Variants in SIN3A observed in about 807,000 individuals in gnomAD.
The protein encoded by SIN3A is SIN3 transcription regulator family member A, also known as paired amphipathic helix protein Sin3a.
SIN3A carries 14 observed loss-of-function variants against 146.1 expected under a neutral mutation model. The ratio of observed to expected loss-of-function variants is 0.10; its 90% CI spans 0.06 to 0.15. The LOEUF is 0.15. Ranked by LOEUF, SIN3A falls within the 10% of genes least tolerant of loss-of-function variation. The pLI is 1.00. For missense variants in SIN3A, 1,028 were observed against 1,576.0 expected (o/e 0.65, Z 5.89); for synonymous variants, 572 against 572.0 (o/e 1.00, Z 0.00).
At chr15:75,419,303 A>G (rs116953240) in intron 3 of SIN3A, 1 of 152,340 alleles carries the variant, frequency 6.6e-6, no homozygotes, top group East Asian at 1.9e-4. Flanking sequence ...AAAATATATT[A>G]AGTTTGCAAA....
At chr15:75,395,669 CAGG>C (rs1357441909) in intron 13 of SIN3A, among the ~76,000 whole-genome samples, 1 of 151,970 alleles carries the variant, frequency 6.6e-6, no homozygotes, top group Non-Finnish European at 1.5e-5. Context: ...GAGGCCAAGG[CAGG>C]AGGATTGCTT....
At chr15:75,411,456 G>A (rs370245125) in intron 6 of SIN3A, 36 bp downstream of exon 6, 37 of 1,585,574 alleles carry the variant, frequency 2.3e-5, no homozygotes, top group Middle Eastern at 3.4e-4. Flanking sequence ...CTAAGAGGGT[G>A]ACCTGGTTAA....
chr15:75,393,488 T>C (rs1049952220), intron 14 of SIN3A, among the ~76,000 whole-genome samples: 1 of 151,752 alleles, frequency 6.6e-6, no homozygotes, highest in African/African-American at 2.4e-5. Flanking sequence ...GCCATTCTTA[T>C]GCTTCAGCCT....
intron 1 of SIN3A, among the ~76,000 whole-genome samples, chr15:75,441,006 C>G (rs1016453599): frequency 4.4e-4 from 55 of 125,896 alleles, no homozygotes; most frequent in African/African-American, 1.5e-3. Context: ...AAAAAAAGAA[C>G]AAGAAAAAGA....
chr15:75,391,792 A>G (rs1490214218), intron 15 of SIN3A, among the ~76,000 whole-genome samples: 1 of 152,168 alleles, frequency 6.6e-6, no homozygotes, highest in Non-Finnish European at 1.5e-5. Flanking sequence ...ATTTCTACAT[A>G]TTAAGAATGA....
chr15:75,438,180 G>A (rs2074138575), intron 1 of SIN3A, among the ~76,000 whole-genome samples: 1 of 152,072 alleles, frequency 6.6e-6, no homozygotes, highest in Non-Finnish European at 1.5e-5. Context: ...GGCCAACATG[G>A]CGAAACTCTG....
chr15:75,376,788 A>T (rs549845844), intron 19 of SIN3A, among the ~76,000 whole-genome samples: 26 of 150,706 alleles, frequency 1.7e-4, no homozygotes, highest in Middle Eastern at 3.4e-3. Flanking sequence ...TGAGCCCAGA[A>T]GGCGGAGGTT....
At chr15:75,449,160 C>T (rs1028057845) in intron 1 of SIN3A, among the ~76,000 whole-genome samples, 2 of 152,236 alleles carry the variant, frequency 1.3e-5, no homozygotes, top group African/African-American at 4.8e-5. Flanking sequence ...CACTATCTCT[C>T]TCAGTTTATG....
chr15:75,406,580 G>A (rs933819123), intron 9 of SIN3A, among the ~76,000 whole-genome samples: 1 of 152,138 alleles, frequency 6.6e-6, no homozygotes, highest in African/African-American at 2.4e-5. Context: ...CTAGCTACTC[G>A]GGAGGCTGAG....
rs1323845790 is a variant in SIN3A, at chr15:75,392,250, T to C, written c.2843A>G (p.Lys948Arg). The C allele has an allele frequency of 1.2e-6, 2 of 1,612,786 alleles. No individual in the cohort carries two copies. Among genetic ancestry groups the C allele is most frequent in the East Asian group, 2.2e-5 (1 of 44,862 alleles). ...SDSPAIQLRL[K>R]EPMDVDVEDY... ...GAGGTCTCGGCACTCACTAGGTTCT[T>C]TGAGACGTAGCTGAATGGCAGGGCT... Residue 948 changes from lysine to arginine, a missense_variant, in exon 15 of 21, where the codon AAA becomes AGA. This residue lies in a region of SIN3A where 488 missense variants were observed against 690.2 expected (regional missense o/e 0.71). Coordinates refer to ENST00000394947, the MANE Select transcript of SIN3A (RefSeq NM_001145358.2).
intron 9 of SIN3A, among the ~76,000 whole-genome samples, chr15:75,404,750 A>G (rs1050671696): frequency 2.0e-5 from 3 of 147,202 alleles, no homozygotes; most frequent in African/African-American, 7.8e-5. Flanking sequence ...ATGGAGTGAG[A>G]CTGTCCCAGA....
rs2072696107 is a variant in SIN3A at position 75,369,802 on chromosome 15, ATTAT to A, written c.*2173_*2176del. 6.6e-6 allele frequency: 1 copy of A among 152,252 alleles called. No individual in the cohort carries two copies. The highest frequency in any genetic ancestry group is 2.4e-5 in the African/African-American group (1 of 41,468). 9.4% of individuals were successfully genotyped at this position (152,252 alleles called of 1,614,324 possible). ...CTTGAGGGAACACGGGGATAGGTGA[ATTAT>A]TTGAGAAAACCTCAAGATCTTTCCC... is the stretch of plus-strand genomic sequence containing the variant. On this transcript the variant is annotated 3_prime_UTR_variant, in exon 21 of 21. Transcript: ENST00000394947.
chr15:75,428,281 A>G (rs1290457986), intron 2 of SIN3A, among the ~76,000 whole-genome samples: 2 of 152,064 alleles, frequency 1.3e-5, no homozygotes, highest in Non-Finnish European at 2.9e-5. Context: ...CACAATGTAA[A>G]CCAACGATGG....
At chr15:75,436,805 T>C (rs1477668425) in intron 1 of SIN3A, among the ~76,000 whole-genome samples, 1 of 151,146 alleles carries the variant, frequency 6.6e-6, no homozygotes, top group African/African-American at 2.4e-5. Flanking sequence ...AAACCAGCTC[T>C]TGAGTGGAAA....
intron 2 of SIN3A, among the ~76,000 whole-genome samples, chr15:75,427,245 C>A (rs996832357): frequency 1.3e-5 from 2 of 152,084 alleles, no homozygotes; most frequent in East Asian, 3.9e-4. Context: ...TGGTGGCTTG[C>A]GCCTGTAATC....
At chr15:75,401,466 G>A (rs1240416995) in intron 10 of SIN3A, among the ~76,000 whole-genome samples, 1 of 151,988 alleles carries the variant, frequency 6.6e-6, no homozygotes, top group Non-Finnish European at 1.5e-5. Context: ...CCCAGGAGGC[G>A]GAGGTTGCAG....
intron 1 of SIN3A, among the ~76,000 whole-genome samples, chr15:75,445,390 A>G (rs2074287617): frequency 2.1e-5 from 3 of 146,308 alleles, no homozygotes; most frequent in African/African-American, 7.6e-5. Context: ...CAAAAAAAAA[A>G]AAAAAAAAAA....
intron 1 of SIN3A, among the ~76,000 whole-genome samples, chr15:75,445,323 G>A (rs2074285530): frequency 6.8e-6 from 1 of 147,424 alleles, no homozygotes; most frequent in East Asian, 2.0e-4. Flanking sequence ...GGAGATTGCA[G>A]TGAGCTGAGA....
intron 2 of SIN3A, 149 bp from the exon 3 acceptor site, chr15:75,422,972 A>C: frequency 2.7e-6 from 2 of 733,968 alleles, no homozygotes; most frequent in Non-Finnish European, 4.4e-6. Context: ...TCTCACCTAC[A>C]TAGGAAGATC....
Sources: allele counts gnomAD v4.1 joint callset (sites outside exome capture counted in the v4.1 genomes callset), GRCh38; gene constraint gnomAD v4.1.1; regional missense constraint gnomAD v4.1.1; transcripts MANE v1.5; gene names NCBI Gene and HGNC (gene_info 2026-07-23, HGNC 2026-07-21).